Variants in TARS3 observed in about 807,000 individuals in gnomAD.
TARS3 encodes the protein threonyl-tRNA synthetase 3.
A neutral mutation model predicts 103.5 loss-of-function variants in TARS3; 94 were observed. The observed-to-expected ratio is 0.91, with a 90% confidence interval of 0.77 to 1.08. The LOEUF is 1.08. TARS3 is among the 50% of genes least tolerant of loss of function. The probability of loss-of-function intolerance (pLI) is 0.00; values close to 1 mark genes in which losing one functional copy is unlikely to be tolerated. For synonymous variants in TARS3, 416 were observed against 355.4 expected, an observed-to-expected ratio of 1.17 and a Z score of -1.92; for missense variants, 952 against 995.2, an observed-to-expected ratio of 0.96 and a Z score of 0.58.
At chr15:101,698,867 T>C (rs973320099) in intron 10 of TARS3, among the ~76,000 whole-genome samples, 11 of 152,330 alleles carry the variant, frequency 7.2e-5, no homozygotes, top group African/African-American at 2.6e-4. Flanking sequence ...AAGAGTAGAA[T>C]GGACTTCCCT....
rs370060065 is a variant in TARS3 at position 101,674,751 on chromosome 15, G to A, written c.1788+849C>T. Reference sequence around the variant, plus strand: ...ACCCGGGAGGTGGAGCTTGCAGTGAGCTGAGATCGCGCCACTGCACTCCAA... The same window carrying A: ...ACCCGGGAGGTGGAGCTTGCAGTGAACTGAGATCGCGCCACTGCACTCCAA... On this transcript the variant is annotated intron_variant, in intron 13 of 18. Transcript: ENST00000335968. Among the ~76,000 whole-genome samples, 101 of 151,654 alleles carry A rather than the reference G, an allele frequency of 6.7e-4. No homozygotes were observed. The East Asian group carries it at 0.016, about 25-fold the overall frequency.
chr15:101,701,758 G>A (rs1380483891), intron 9 of TARS3, among the ~76,000 whole-genome samples: 1 of 152,142 alleles, frequency 6.6e-6, no homozygotes, highest in African/African-American at 2.4e-5. Flanking sequence ...ATGCTATAAA[G>A]TGCACAGAAT....
At chr15:101,659,293 A>G (rs1897292899) in intron 16 of TARS3, among the ~76,000 whole-genome samples, 1 of 152,228 alleles carries the variant, frequency 6.6e-6, no homozygotes, top group Non-Finnish European at 1.5e-5. Context: ...ATAAATGTGC[A>G]TATTTATATA....
rs532763498 is a variant in TARS3, at chr15:101,678,348, T to C, written c.1651-2611A>G. ...TTATTTAGACCATTTACACTTAATA[T>C]GTTAGGGCTTTACACTGCCTTTTTG... On this transcript the variant is annotated intron_variant, in intron 12 of 18. Transcript: ENST00000335968. Among the ~76,000 whole-genome samples the C allele has an allele frequency of 1.8e-4, 28 of 152,364 alleles. 1 individual carries two copies. In the East Asian group the frequency reaches 4.8e-3, roughly 26 times the overall value.
intron 10 of TARS3, among the ~76,000 whole-genome samples, chr15:101,699,048 G>A (rs1899122988): frequency 6.6e-6 from 1 of 152,228 alleles, no homozygotes; most frequent in Non-Finnish European, 1.5e-5. Context: ...AATAGTGGCA[G>A]AGGGTGAATG....
At chr15:101,657,185 G>C in intron 17 of TARS3, 149 bp from the exon 18 acceptor site, 1 of 557,304 alleles carries the variant, frequency 1.8e-6, no homozygotes, top group Non-Finnish European at 3.2e-6. Flanking sequence ...AAGAAGTGCG[G>C]AAGTGTCGGC....
intron 12 of TARS3, 40 bp downstream of exon 12, chr15:101,684,035 A>G: frequency 1.9e-6 from 3 of 1,587,098 alleles, no homozygotes; most frequent in Non-Finnish European, 2.6e-6. Context: ...CATCACACTC[A>G]ATTTGTGACC....
chr15:101,679,783 G>C (rs988327801), intron 12 of TARS3, among the ~76,000 whole-genome samples: 1 of 152,160 alleles, frequency 6.6e-6, no homozygotes, highest in Non-Finnish European at 1.5e-5. Context: ...CACTCTTCCA[G>C]CAGAGGGAGG....
At position 101,723,955 on chromosome 15, in the gene TARS3, G is replaced by A. The variant is rs1234980590; in HGVS notation, c.297+136C>T. Reference sequence around the variant, plus strand: ...CGGGACCACCGAGCAGGGCAGGGCGGGCCAGCCGCAGGGCACTGGGAGGGC... The same window carrying A: ...CGGGACCACCGAGCAGGGCAGGGCGAGCCAGCCGCAGGGCACTGGGAGGGC... On this transcript the variant is annotated intron_variant, in intron 1 of 18. Transcript: ENST00000335968. 5.6e-5 allele frequency: 46 copies of A among 826,890 alleles called. No homozygotes were observed. In the East Asian group the frequency reaches 1.4e-3, roughly 25 times the overall value. The allele number at this position is 826,890 out of a possible 1,614,324, so 51.2% of individuals were successfully genotyped here.
chr15:101,674,401 T>TA (rs989289686), intron 13 of TARS3, among the ~76,000 whole-genome samples: 4 of 151,568 alleles, frequency 2.6e-5, no homozygotes, highest in African/African-American at 4.8e-5. Flanking sequence ...GAGCTATGGT[T>TA]AAAAAAAAAT....
chr15:101,689,287 G>A (rs1237853112), intron 10 of TARS3, among the ~76,000 whole-genome samples: 2 of 152,160 alleles, frequency 1.3e-5, no homozygotes, highest in East Asian at 1.9e-4. Context: ...ATCAGTGGGA[G>A]CCCTGAAACC....
rs138410182 is a variant in TARS3 at position 101,655,084 on chromosome 15, C to T, written c.2261-354G>A. Reference sequence around the variant, plus strand: ...CCTGGCACTAGGGCGCAAATGAGAGCGGGGAGCTCTTACAGGCTCACACTG... The same window carrying T: ...CCTGGCACTAGGGCGCAAATGAGAGTGGGGAGCTCTTACAGGCTCACACTG... On this transcript the variant is annotated intron_variant, in intron 18 of 18. Transcript: ENST00000335968. Among the ~76,000 whole-genome samples, 668 of 125,652 alleles carry T rather than the reference C, an allele frequency of 5.3e-3. 4 individuals carry two copies. The highest frequency in any genetic ancestry group is 0.019 in the African/African-American group (612 of 32,730). The allele number at this position is 125,652 out of a possible 152,430, so 82.4% of individuals were successfully genotyped here. A position where few individuals can be genotyped will look rare whatever the true frequency, so the allele number is the denominator to read the frequency against.
At position 101,724,327 on chromosome 15, in the gene TARS3, C is replaced by T. The variant is rs1227829501; in HGVS notation, c.61G>A (p.Asp21Asn). ...VASRLERQEEDIRWLWSEVER... is the reference protein window; with the variant it reads ...VASRLERQEENIRWLWSEVER... ...ACCTCCGACCACAGCCAGCGGATGT[C>T]CTCCTCCTGCCGCTCCAGGCGCGAC... The change falls in exon 1 of 19, where the codon GAC becomes AAC. Residue 21 changes from aspartate (D) to asparagine (N), a missense_variant. Coordinates refer to ENST00000335968, the MANE Select transcript of TARS3 (RefSeq NM_152334.3). The T allele has an allele frequency of 1.1e-5, 17 of 1,558,484 alleles. No individual in the cohort carries two copies. In the East Asian group the frequency reaches 4.3e-4, roughly 39 times the overall value.
chr15:101,711,319 T>C (rs951874458), intron 5 of TARS3, among the ~76,000 whole-genome samples: 1 of 152,254 alleles, frequency 6.6e-6, no homozygotes, highest in Non-Finnish European at 1.5e-5. Context: ...CCTTAGACCA[T>C]TTCTAAACTA....
intron 10 of TARS3, among the ~76,000 whole-genome samples, chr15:101,689,481 G>A (rs1898614846): frequency 1.3e-5 from 2 of 152,006 alleles, no homozygotes; most frequent in African/African-American, 2.4e-5. Flanking sequence ...GATCATTAGG[G>A]TAGATCCTAA....
At chr15:101,710,109 G>A (rs1415336900) in intron 5 of TARS3, among the ~76,000 whole-genome samples, 1 of 152,188 alleles carries the variant, frequency 6.6e-6, no homozygotes, top group Non-Finnish European at 1.5e-5. Context: ...TTAATCAATT[G>A]TGCCTCTATA....
Position 101,657,838 on chromosome 15 carries a change from G to A in TARS3, c.2092C>T (p.Arg698Cys), listed in dbSNP as rs774454880. 1.6e-5 allele frequency: 25 copies of A among 1,606,834 alleles called. No homozygotes were observed. The highest frequency in any genetic ancestry group is 2.2e-5 in the South Asian group (2 of 89,722). Reference protein sequence around the residue: ...GGKWPFWLSPRQVMVIPVGPT... With the variant: ...GGKWPFWLSPCQVMVIPVGPT... ...CCCACAGGGATGACCATCACCTGAC[G>A]AGGAGATAGCCAGAAAGGCCTGAAA... The change falls in exon 17 of 19, where the codon CGT (arginine) becomes TGT (cysteine). Residue 698 changes from arginine to cysteine, a missense_variant. Coordinates refer to ENST00000335968, the MANE Select transcript of TARS3 (RefSeq NM_152334.3).
intron 15 of TARS3, among the ~76,000 whole-genome samples, chr15:101,670,631 T>C (rs1423473603): frequency 6.6e-6 from 1 of 152,334 alleles, no homozygotes; most frequent in East Asian, 1.9e-4. Flanking sequence ...CAAAGTTAAA[T>C]ATTTAATTAT....
Position 101,654,393 on chromosome 15 carries a change from G to C in TARS3, c.*189C>G. 1 of 538,914 alleles carries C rather than the reference G, an allele frequency of 1.9e-6. No homozygotes were observed. The allele number at this position is 538,914 out of a possible 1,614,324, so 33.4% of individuals were successfully genotyped here. A position where few individuals can be genotyped will look rare whatever the true frequency, so the allele number is the denominator to read the frequency against. On this transcript the variant is annotated 3_prime_UTR_variant, in exon 19 of 19. Transcript: ENST00000335968. ...AAAATTTCCCACGTGCCCTCTAAAC[G>C]TCCCCCGTGGACATGAGTAAATTAA...
Sources: allele counts gnomAD v4.1 joint callset (sites outside exome capture counted in the v4.1 genomes callset), GRCh38; gene constraint gnomAD v4.1.1; transcripts MANE v1.5; gene names NCBI Gene and HGNC (gene_info 2026-07-23, HGNC 2026-07-21).